The following ALK variants were observed in gnomAD, a reference collection of about 807,000 sequenced individuals.
The protein encoded by ALK is ALK receptor tyrosine kinase.
ALK carries 74 observed loss-of-function variants against 163.1 expected under a neutral mutation model. The ratio of observed to expected loss-of-function variants is 0.45; its 90% confidence interval spans 0.38 to 0.55. The LOEUF (loss-of-function observed/expected upper bound fraction) is 0.55. Among genes scored for constraint, ALK ranks in the 20% least tolerant of loss-of-function variants. The pLI is 0.00. For synonymous variants in ALK, 960 were observed against 843.2 expected (o/e 1.14, Z -2.40); for missense variants, 2,063 against 2,105.3 (o/e 0.98, Z 0.39).
intron 3 of ALK, among the ~76,000 whole-genome samples, chr2:29,567,689 G>A (rs1451366812): frequency 2.6e-5 from 4 of 151,998 alleles, no homozygotes; most frequent in South Asian, 2.1e-4. Flanking sequence ...GTCTGGCCAC[G>A]TTTCCACTCT....
chr2:29,215,705 ATGT>A (rs1558618189), intron 23 of ALK, among the ~76,000 whole-genome samples: 1 of 2,554 alleles, frequency 3.9e-4, no homozygotes, highest in Non-Finnish European at 0.018. Flanking sequence ...GTTGGAGCGT[ATGT>A]ATGTGACTAC....
At chr2:29,658,963 C>T (rs192902038) in intron 3 of ALK, among the ~76,000 whole-genome samples, 7 of 152,098 alleles carry the variant, frequency 4.6e-5, no homozygotes, top group East Asian at 3.9e-4. Context: ...TTCAGCAAAA[C>T]GAAAAAATCA....
chr2:29,744,435 T>C (rs1336805831), intron 1 of ALK, among the ~76,000 whole-genome samples: 2 of 152,158 alleles, frequency 1.3e-5, no homozygotes, highest in African/African-American at 4.8e-5. Flanking sequence ...CTCACAAATC[T>C]TCAGCTTGGG....
chr2:29,643,026 A>G (rs1045742692), intron 3 of ALK, among the ~76,000 whole-genome samples: 2 of 152,190 alleles, frequency 1.3e-5, no homozygotes, highest in African/African-American at 4.8e-5. Context: ...GAATAATAAT[A>G]ACACCTAATA....
At chr2:29,844,309 G>A (rs948864533) in intron 1 of ALK, among the ~76,000 whole-genome samples, 1 of 152,196 alleles carries the variant, frequency 6.6e-6, no homozygotes, top group African/African-American at 2.4e-5. Flanking sequence ...GGGGCAGAGA[G>A]AATGAGCAGT....
intron 1 of ALK, among the ~76,000 whole-genome samples, chr2:29,737,231 A>G (rs575049181): frequency 3.3e-5 from 5 of 152,226 alleles, no homozygotes; most frequent in African/African-American, 1.2e-4. Flanking sequence ...ACAGATTGGG[A>G]GGCTATACAT....
chr2:29,617,425 C>G lies in ALK; in HGVS notation c.952+77425G>C, dbSNP rs574539403. ...TCATCTGTAGGCCCTCGACAAGGGG[C>G]AAACCTTAGTTTCCTCTTCTATCAC... On this transcript the variant is annotated intron_variant, in intron 3 of 28. Coordinates refer to ENST00000389048, the MANE Select transcript of ALK (RefSeq NM_004304.5). Among the ~76,000 whole-genome samples the G allele has an allele frequency of 2.6e-5, 4 of 152,334 alleles. No individual in the cohort carries two copies. In the South Asian group the frequency reaches 6.2e-4, roughly 24 times the overall value.
intron 3 of ALK, among the ~76,000 whole-genome samples, chr2:29,666,668 C>T (rs2148266471): frequency 6.6e-6 from 1 of 152,014 alleles, no homozygotes; most frequent in South Asian, 2.1e-4. Context: ...CTTGAGCATG[C>T]CATTAACTAG....
intron 1 of ALK, among the ~76,000 whole-genome samples, chr2:29,769,759 A>G (rs1352179289): frequency 6.6e-6 from 1 of 152,214 alleles, no homozygotes; most frequent in Non-Finnish European, 1.5e-5. Flanking sequence ...CTACAGGAGG[A>G]AAGGGGGCAT....
chr2:29,505,311 T>C (rs1462542610), intron 4 of ALK, among the ~76,000 whole-genome samples: 1 of 152,174 alleles, frequency 6.6e-6, no homozygotes, highest in Non-Finnish European at 1.5e-5. Context: ...TGCTGCTGTG[T>C]AGACTGTTGG....
chr2:29,349,637 C>G (rs1205460670), intron 5 of ALK, among the ~76,000 whole-genome samples: 2 of 152,172 alleles, frequency 1.3e-5, no homozygotes, highest in African/African-American at 4.8e-5. Flanking sequence ...CCAAAGGCCT[C>G]CCCTTTCATT....
chr2:29,438,695 G>T (rs1324405748), intron 4 of ALK, among the ~76,000 whole-genome samples: 2 of 152,104 alleles, frequency 1.3e-5, no homozygotes, highest in South Asian at 2.1e-4. Flanking sequence ...TATGTAGGTG[G>T]AGCTAAGAAG....
At chr2:29,906,924 A>G (rs1014432242) in intron 1 of ALK, among the ~76,000 whole-genome samples, 1 of 148,058 alleles carries the variant, frequency 6.8e-6, no homozygotes, top group Non-Finnish European at 1.5e-5. Flanking sequence ...AGAAATATAC[A>G]TATACATTTA....
intron 1 of ALK, among the ~76,000 whole-genome samples, chr2:29,844,981 G>T (rs1036511209): frequency 1.3e-5 from 2 of 151,742 alleles, no homozygotes; most frequent in Admixed American, 6.6e-5. Context: ...CTTATCACTG[G>T]GGGTTCCGGG....
intron 1 of ALK, among the ~76,000 whole-genome samples, chr2:29,756,181 C>T (rs1309761641): frequency 6.6e-6 from 1 of 152,242 alleles, no homozygotes; most frequent in Non-Finnish European, 1.5e-5. Flanking sequence ...CTACAATTCT[C>T]TTCTTCCCCC....
rs538479334 is a variant in ALK at position 29,753,662 on chromosome 2, G to A, written c.668-35965C>T. On this transcript the variant is annotated intron_variant, in intron 1 of 28. Coordinates refer to ENST00000389048, the MANE Select transcript of ALK (RefSeq NM_004304.5). ...GAAACATTAAAAAATAAGTCACCCT[G>A]CTACCTGCTCTAAGGTCCAATTTGG... Among the ~76,000 whole-genome samples, 16 of 152,298 alleles carry A rather than the reference G, an allele frequency of 1.1e-4. No individual in the cohort carries two copies. The South Asian group carries it at 3.3e-3, about 32-fold the overall frequency.
intron 1 of ALK, among the ~76,000 whole-genome samples, chr2:29,894,808 G>C (rs56313903): frequency 0.071 from 10,788 of 151,306 alleles, 601 homozygotes; most frequent in East Asian, 0.16. Flanking sequence ...GAACATACTA[G>C]TATCTGTGAG....
intron 3 of ALK, among the ~76,000 whole-genome samples, chr2:29,671,267 G>A (rs1049758612): frequency 6.6e-6 from 1 of 152,066 alleles, no homozygotes; most frequent in Non-Finnish European, 1.5e-5. Context: ...GTTCCAAATG[G>A]GGGAGGTCTC....
chr2:29,823,344 G>A (rs1665102742), intron 1 of ALK, among the ~76,000 whole-genome samples: 2 of 152,310 alleles, frequency 1.3e-5, no homozygotes, highest in Middle Eastern at 3.4e-3. Flanking sequence ...GGTACCAGTA[G>A]AGTGGGGTGC....
Sources: allele counts gnomAD v4.1 joint callset (sites outside exome capture counted in the v4.1 genomes callset), GRCh38; gene constraint gnomAD v4.1.1; transcripts MANE v1.5; gene names NCBI Gene and HGNC (gene_info 2026-07-23, HGNC 2026-07-21).